The following ARNT variants were observed in gnomAD, a reference collection of about 807,000 sequenced individuals.
ARNT encodes aryl hydrocarbon receptor nuclear translocator.
In ARNT, 30 loss-of-function variants were observed where a neutral mutation model predicts 105.0. That is an observed-to-expected ratio of 0.29 (90% CI 0.21 to 0.39). ARNT has a LOEUF of 0.39. Among genes scored for constraint, ARNT ranks in the 10% least tolerant of loss-of-function variants. The pLI is 1.00. For missense variants in ARNT, 748 were observed against 978.7 expected (o/e 0.76, Z 3.15); for synonymous variants, 304 against 344.0 (o/e 0.88, Z 1.29).
chr1:150,859,008 T>C (rs1323398914), intron 1 of ARNT, among the ~76,000 whole-genome samples: 2 of 152,032 alleles, frequency 1.3e-5, no homozygotes, highest in Non-Finnish European at 2.9e-5. Flanking sequence ...TACTATATTC[T>C]GCAAACTTCA....
intron 2 of ARNT, among the ~76,000 whole-genome samples, chr1:150,853,567 T>A (rs1001191575): frequency 3.3e-5 from 5 of 152,244 alleles, no homozygotes; most frequent in Admixed American, 3.3e-4. Flanking sequence ...CGAAGATTGT[T>A]AGATAATGTT....
rs1654499389 is a variant in ARNT at position 150,810,303 on chromosome 1, C to T, written c.*1718G>A. 4.3e-6 allele frequency: 1 copy of T among 231,948 alleles called. No individual in the cohort carries two copies. Among genetic ancestry groups the T allele is most frequent in the Non-Finnish European group, 8.6e-6 (1 of 116,906 alleles). 14.4% of individuals were successfully genotyped at this position (231,948 alleles called of 1,614,324 possible). On this transcript the variant is annotated 3_prime_UTR_variant, in exon 22 of 22. Coordinates refer to ENST00000358595, the MANE Select transcript of ARNT (RefSeq NM_001668.4). ...CCCTTCCCCAAAAGCCCTATAATAA[C>T]TGTACAATATTATAGTCCTGATCAC...
At chr1:150,847,977 T>C (rs1044428537) in intron 3 of ARNT, among the ~76,000 whole-genome samples, 1 of 152,160 alleles carries the variant, frequency 6.6e-6, no homozygotes, top group African/African-American at 2.4e-5. Context: ...AAAAAGAAGA[T>C]AGATGCTATT....
chr1:150,841,111 G>GT (rs76764447), intron 5 of ARNT, among the ~76,000 whole-genome samples: 2,129 of 140,642 alleles, frequency 0.015, 10 homozygotes, highest in African/African-American at 0.017. Context: ...ACCACGCCCA[G>GT]TTTTTTTTTT....
intron 3 of ARNT, among the ~76,000 whole-genome samples, chr1:150,849,347 C>A (rs1452929733): frequency 6.6e-6 from 1 of 152,046 alleles, no homozygotes; most frequent in African/African-American, 2.4e-5. Context: ...ATTTTCAACT[C>A]TGGAAAGAAA....
In ARNT at chr1:150,848,122, A is replaced by G. The variant is rs587623358; in HGVS notation, c.183-1815T>C. On this transcript the variant is annotated intron_variant, in intron 3 of 21. Coordinates refer to ENST00000358595, the MANE Select transcript of ARNT (RefSeq NM_001668.4). ...ATTTATATACAATTCTATATATACT[A>G]TTTTTGGAAGGATACTCAACAAACT... 6.7e-4 allele frequency among the ~76,000 whole-genome samples: 102 copies of G among 152,266 alleles called. 1 individual carries two copies. The South Asian group carries it at 0.02, about 30-fold the overall frequency.
intron 14 of ARNT, 27 bp downstream of exon 14, chr1:150,823,167 T>C (rs895430710): frequency 2.0e-6 from 3 of 1,504,910 alleles, no homozygotes; most frequent in African/African-American, 2.8e-5. Flanking sequence ...GAAAAACAGT[T>C]TTTTCACACT....
At chr1:150,869,085 C>T (rs929162735) in intron 1 of ARNT, among the ~76,000 whole-genome samples, 2 of 152,050 alleles carry the variant, frequency 1.3e-5, no homozygotes, top group Admixed American at 6.6e-5. Context: ...GCTATGGTCA[C>T]GCTACTGCAC....
intron 11 of ARNT, 50 bp from the exon 12 acceptor site, chr1:150,829,277 A>G: frequency 1.3e-6 from 2 of 1,570,636 alleles, no homozygotes; most frequent in Non-Finnish European, 1.7e-6. Context: ...TTATTTACAG[A>G]TGTATTTCCT....
Position 150,814,204 on chromosome 1 carries a change from A to C in ARNT, c.1986T>G (p.Thr662=). ...VATQATAKTR[T]SQFGVGSFQT... is the part of the protein sequence containing the mutation. ...GAAAGCTGCCCACACCAAACTGGGA[A>C]GTACGAGTCTTAGCAGTAGCCTGGG... is the stretch of plus-strand genomic sequence containing the variant. Residue 662 remains threonine (T), a synonymous_variant, in exon 20 of 22, where the codon ACT becomes ACG. Transcript: ENST00000358595. 6.2e-7 allele frequency: 1 copy of C among 1,614,198 alleles called. No homozygotes were observed. The highest frequency in any genetic ancestry group is 1.3e-5 in the African/African-American group (1 of 75,058).
rs762949862 is a variant in ARNT at position 150,817,973 on chromosome 1, T to G, written c.1452A>C (p.Leu484=). ...TLSNTIQRPQ[L]GPTANLPLEM... ...CCAGGGGTAAATTAGCTGTGGGACC[T>G]AGTTGTGGCCTCTGGATTGTGTTGG... is the stretch of plus-strand genomic sequence containing the variant. Residue 484 remains leucine (L), a synonymous_variant, in exon 15 of 22, where the codon CTA becomes CTC. Transcript: ENST00000358595. The G allele has an allele frequency of 2.5e-6, 4 of 1,613,592 alleles. No individual in the cohort carries two copies. The African/African-American group carries it at 5.4e-5, about 22-fold the overall frequency.
At chr1:150,852,948 A>C in intron 2 of ARNT, 142 bp from the exon 3 acceptor site, 1 of 1,049,636 alleles carries the variant, frequency 9.5e-7, no homozygotes, top group Non-Finnish European at 1.4e-6. Context: ...AAACAAAGCT[A>C]CATTTCCTCT....
intron 6 of ARNT, among the ~76,000 whole-genome samples, chr1:150,838,447 G>A (rs1320748412): frequency 2.0e-5 from 3 of 152,124 alleles, no homozygotes; most frequent in African/African-American, 7.2e-5. Context: ...CCCACAAAAG[G>A]TGCATAACTG....
In ARNT at chr1:150,811,337, TG is replaced by T. The variant is rs1478246505; in HGVS notation, c.*683del. ...GCTGCAATACTAAGTGGAAAATACC[TG>T]GAAGATTTAACTCCTTAGGACTCTT... is the stretch of plus-strand genomic sequence containing the variant. On this transcript the variant is annotated 3_prime_UTR_variant, in exon 22 of 22. Transcript: ENST00000358595. 1 of 233,630 alleles carries T rather than the reference TG, an allele frequency of 4.3e-6. No homozygotes were observed. The highest frequency in any genetic ancestry group is 8.5e-6 in the Non-Finnish European group (1 of 117,974). The allele number at this position is 233,630 out of a possible 1,614,324, so 14.5% of individuals were successfully genotyped here.
At chr1:150,846,366 T>G in intron 3 of ARNT, 59 bp from the exon 4 acceptor site, 1 of 1,546,418 alleles carries the variant, frequency 6.5e-7, no homozygotes, top group South Asian at 1.1e-5. Flanking sequence ...TATTTCACTC[T>G]GAAAAGTAAA....
At chr1:150,826,467 C>T (rs1658288986) in intron 13 of ARNT, 76 bp downstream of exon 13, 2 of 1,180,730 alleles carry the variant, frequency 1.7e-6, no homozygotes, top group Non-Finnish European at 1.2e-6. Context: ...CCACAGTGTT[C>T]AGTTAATCAG....
At chr1:150,876,453 C>T in intron 1 of ARNT, 90 bp downstream of exon 1, 1 of 1,522,106 alleles carries the variant, frequency 6.6e-7, no homozygotes. Context: ...CCTTCAGCTC[C>T]AGCTGCGTCC....
chr1:150,850,243 C>G (rs587735188), intron 3 of ARNT, among the ~76,000 whole-genome samples: 85 of 151,958 alleles, frequency 5.6e-4, no homozygotes, highest in Admixed American at 1.7e-3. Context: ...AAAATTAGCC[C>G]TCTCCCTCTC....
At chr1:150,853,267 G>C (rs768316974) in intron 2 of ARNT, 5 of 378,724 alleles carry the variant, frequency 1.3e-5, no homozygotes, top group South Asian at 7.7e-5. Context: ...GGCGACAACT[G>C]CAAGACTCCA....
Sources: gnomAD v4.1 joint callset for allele counts (sites outside exome capture counted in the v4.1 genomes callset) on GRCh38, gnomAD v4.1.1 for gene constraint, MANE v1.5 for transcripts, NCBI Gene and HGNC (gene_info 2026-07-23, HGNC 2026-07-21) for gene names.